Variants in ATP2B1 observed in about 807,000 individuals in gnomAD.
ATP2B1 encodes plasma membrane calcium-transporting ATPase 1.
In ATP2B1, 14 loss-of-function variants were observed where a neutral mutation model predicts 124.2. The ratio of observed to expected loss-of-function variants is 0.11; its 90% CI spans 0.07 to 0.18. ATP2B1 has a LOEUF of 0.18. ATP2B1 is among the 10% of genes least tolerant of loss of function. ATP2B1 has a pLI of 1.00. For missense variants in ATP2B1, 763 were observed against 1,466.1 expected (o/e 0.52, Z 7.83); for synonymous variants, 449 against 492.4 (o/e 0.91, Z 1.17).
chr12:89,626,333 T>C (rs910467712), intron 8 of ATP2B1, 121 bp downstream of exon 8: 9 of 1,102,600 alleles, frequency 8.2e-6, no homozygotes, highest in Non-Finnish European at 1.1e-5. Context: ...ACTGAAAATA[T>C]TTCAAACTCC....
intron 1 of ATP2B1, among the ~76,000 whole-genome samples, chr12:89,660,221 A>G (rs1413830643): frequency 3.9e-5 from 6 of 152,204 alleles, no homozygotes; most frequent in Non-Finnish European, 7.3e-5. Flanking sequence ...AATTTTTGTT[A>G]GAAATTTGAA....
chr12:89,628,796 TGAG>T (rs1405976331), intron 6 of ATP2B1, among the ~76,000 whole-genome samples: 2 of 152,142 alleles, frequency 1.3e-5, no homozygotes, highest in African/African-American at 4.8e-5. Flanking sequence ...TCAAGATTGA[TGAG>T]GAGATAGTAA....
At chr12:89,657,959 G>A (rs1184938659) in intron 1 of ATP2B1, among the ~76,000 whole-genome samples, 1 of 152,028 alleles carries the variant, frequency 6.6e-6, no homozygotes, top group African/African-American at 2.4e-5. Context: ...AAATCCTTAT[G>A]CTTGTCTAAT....
rs1229567221 is a variant in ATP2B1, at chr12:89,589,894, T to A, written c.*1090A>T. On this transcript the variant is annotated 3_prime_UTR_variant, in exon 21 of 21. Transcript: ENST00000428670. ...TGTATGCTTCTACTTATTAACCTTT[T>A]TCAAAATGCCAACAGCCCTCATGCT... 2.0e-5 allele frequency: 3 copies of A among 152,560 alleles called. No individual in the cohort carries two copies. Among genetic ancestry groups the A allele is most frequent in the Admixed American group, 2.0e-4 (3 of 15,258 alleles). The allele number at this position is 152,560 out of a possible 1,614,324, so 9.5% of individuals were successfully genotyped here.
intron 20 of ATP2B1, chr12:89,598,480 C>A (rs1204251495): frequency 7.6e-7 from 1 of 1,309,920 alleles, no homozygotes; most frequent in Non-Finnish European, 1.0e-6. Context: ...GAAAAGAAAG[C>A]TTTATGAAAA....
intron 15 of ATP2B1, among the ~76,000 whole-genome samples, chr12:89,607,617 G>A (rs139924722): frequency 4.6e-5 from 7 of 152,266 alleles, no homozygotes; most frequent in Admixed American, 4.6e-4. Context: ...AGATGTATTT[G>A]ATTATTGGAT....
At chr12:89,648,821 C>A (rs571280133) in intron 2 of ATP2B1, among the ~76,000 whole-genome samples, 1 of 152,248 alleles carries the variant, frequency 6.6e-6, no homozygotes, top group Non-Finnish European at 1.5e-5. Context: ...GCCCAGGGTG[C>A]AGCTGTCCTG....
chr12:89,679,647 C>T (rs1889094272), intron 1 of ATP2B1, among the ~76,000 whole-genome samples: 1 of 152,076 alleles, frequency 6.6e-6, no homozygotes, highest in Non-Finnish European at 1.5e-5. Flanking sequence ...CAAAATCCAA[C>T]AAAACTCCCT....
At chr12:89,652,385 A>T (rs1487177627) in intron 2 of ATP2B1, among the ~76,000 whole-genome samples, 1 of 152,208 alleles carries the variant, frequency 6.6e-6, no homozygotes, top group Non-Finnish European at 1.5e-5. Flanking sequence ...GACAATCAAT[A>T]TCCCATGTCT....
rs767026355 is a variant in ATP2B1 at position 89,599,097 on chromosome 12, C to A, written c.3351+20G>T. 27 of 1,609,206 alleles carry A rather than the reference C, an allele frequency of 1.7e-5. 1 individual carries two copies. The highest frequency in any genetic ancestry group is 5.5e-5 in the South Asian group (5 of 90,568). On this transcript the variant is annotated intron_variant, in intron 20 of 20. Transcript: ENST00000428670. ...GCCCTGGCTCCCATCATCTCTCCTA[C>A]CTCTCTACCAGGCCCATACCTGTGT...
chr12:89,626,819 ATGT>A (rs1371606924), intron 7 of ATP2B1, among the ~76,000 whole-genome samples: 1 of 152,210 alleles, frequency 6.6e-6, no homozygotes, highest in Non-Finnish European at 1.5e-5. Context: ...ATATTTGAAA[ATGT>A]TGTGCTAGGT....
chr12:89,611,209 C>A lies in ATP2B1; in HGVS notation c.2231G>T (p.Arg744Leu). 6.3e-7 allele frequency: 1 copy of A among 1,583,250 alleles called. No individual in the cohort carries two copies. The highest frequency in any genetic ancestry group is 8.5e-7 in the Non-Finnish European group (1 of 1,171,860). ...LEGKDFNRRIRNEKGEIEQER... is the reference protein window; with the variant it reads ...LEGKDFNRRILNEKGEIEQER... ...AATCTTTACCTCTCCTTTTTCATTT[C>A]GTATTCTTCTGTTAAAATCTTTACC... is the stretch of plus-strand genomic sequence containing the variant. The change falls in exon 13 of 21, where the codon CGA (arginine) becomes CTA (leucine). Residue 744 changes from arginine to leucine, a missense_variant. By Grantham distance (102) the Arg-to-Leu change is moderately radical. This residue lies in a region of ATP2B1 where 392 missense variants were observed against 776.6 expected (regional missense o/e 0.50). Coordinates refer to ENST00000428670, the MANE Select transcript of ATP2B1 (RefSeq NM_001366521.1).
intron 1 of ATP2B1, among the ~76,000 whole-genome samples, chr12:89,700,534 G>T (rs188343320): frequency 6.6e-6 from 1 of 152,138 alleles, no homozygotes; most frequent in Non-Finnish European, 1.5e-5. Context: ...AAATCTCTTA[G>T]TATTAGAGGT....
chr12:89,615,708 G>A (rs1377868397), intron 12 of ATP2B1, among the ~76,000 whole-genome samples: 1 of 152,050 alleles, frequency 6.6e-6, no homozygotes, highest in Non-Finnish European at 1.5e-5. Flanking sequence ...ATCAGATCAG[G>A]TAATTAACCT....
chr12:89,707,684 G>A (rs1435822763), intron 1 of ATP2B1, among the ~76,000 whole-genome samples: 1 of 152,078 alleles, frequency 6.6e-6, no homozygotes, highest in African/African-American at 2.4e-5. Context: ...TCCCCTCCGA[G>A]CCAAGCAGCG....
At chr12:89,618,021 C>A (rs1370566719) in intron 11 of ATP2B1, among the ~76,000 whole-genome samples, 1 of 152,124 alleles carries the variant, frequency 6.6e-6, no homozygotes, top group Non-Finnish European at 1.5e-5. Context: ...TCTTCTGGTT[C>A]TTACTTCAAG....
chr12:89,614,716 C>G (rs1260251716), intron 12 of ATP2B1, among the ~76,000 whole-genome samples: 1 of 152,188 alleles, frequency 6.6e-6, no homozygotes, highest in Non-Finnish European at 1.5e-5. Flanking sequence ...GCTCTGAGGT[C>G]CAAATGCTTG....
Position 89,599,099 on chromosome 12 carries a change from TCTC to T in ATP2B1, c.3351+15_3351+17del. On this transcript the variant is annotated intron_variant, in intron 20 of 20. Coordinates refer to ENST00000428670, the MANE Select transcript of ATP2B1 (RefSeq NM_001366521.1). ...CCTGGCTCCCATCATCTCTCCTACC[TCTC>T]TACCAGGCCCATACCTGTGTTTGGA... is the stretch of plus-strand genomic sequence containing the variant. 1 of 1,610,230 alleles carries T rather than the reference TCTC, an allele frequency of 6.2e-7. No homozygotes were observed. Among genetic ancestry groups the T allele is most frequent in the South Asian group, 1.1e-5 (1 of 90,698 alleles).
chr12:89,593,694 A>G (rs1241503434), intron 20 of ATP2B1: 1 of 152,126 alleles, frequency 6.6e-6, no homozygotes, highest in Admixed American at 6.6e-5. Context: ...GTGCACACAC[A>G]ATCACACACA....
Sources: gnomAD v4.1 joint callset for allele counts (sites outside exome capture counted in the v4.1 genomes callset) on GRCh38, gnomAD v4.1.1 for gene constraint, gnomAD v4.1.1 regional missense constraint, MANE v1.5 for transcripts, NCBI Gene and HGNC (gene_info 2026-07-23, HGNC 2026-07-21) for gene names.